Variants in HAO2 observed in about 807,000 individuals in gnomAD.
The protein encoded by HAO2 is 2-Hydroxyacid oxidase 2.
A neutral mutation model predicts 37.4 loss-of-function variants in HAO2; 42 were observed. The ratio of observed to expected loss-of-function variants is 1.12; its 90% CI spans 0.88 to 1.45. The LOEUF (loss-of-function observed/expected upper bound fraction) is 1.45. Among genes scored for constraint, HAO2 ranks in the 40% most tolerant of loss-of-function variants. The pLI is 0.00. For missense variants in HAO2, 476 were observed against 430.2 expected (o/e 1.11, Z -0.94); for synonymous variants, 180 against 162.8 (o/e 1.11, Z -0.81).
chr1:119,392,630 GT>G lies in HAO2; in HGVS notation c.945del (p.Lys316ArgfsTer4). 1 of 1,607,526 alleles carries G rather than the reference GT, an allele frequency of 6.2e-7. No homozygotes were observed. Among genetic ancestry groups the G allele is most frequent in the Non-Finnish European group, 8.5e-7 (1 of 1,174,104 alleles). On this transcript the variant is annotated frameshift_variant, in exon 7 of 8. Coordinates refer to ENST00000325945, the MANE Select transcript of HAO2 (RefSeq NM_016527.4). LOFTEE classifies it high-confidence loss of function. ...GCCTCGGGAGCAGGGTGAACATGGTGTTAAGGAAGTTTTGAACATTTTAACA... is the reference window on the plus strand; with the variant it reads ...GCCTCGGGAGCAGGGTGAACATGGTGTAAGGAAGTTTTGAACATTTTAACA... ...WGLACKGEHG[V>X]KEVLNILTNE...
At chr1:119,384,736 C>G in intron 3 of HAO2, 40 bp from the exon 4 acceptor site, 1 of 1,591,024 alleles carries the variant, frequency 6.3e-7, no homozygotes. Context: ...AGTCCAGAGG[C>G]CTCTGCCCTC....
chr1:119,387,870 G>A (rs1650512298), intron 5 of HAO2, among the ~76,000 whole-genome samples: 1 of 152,100 alleles, frequency 6.6e-6, no homozygotes, highest in Non-Finnish European at 1.5e-5. Context: ...ATAAATTCCA[G>A]GAATTAGAAA....
intron 3 of HAO2, 111 bp from the exon 4 acceptor site, chr1:119,384,665 T>G (rs1650233952): frequency 1.2e-6 from 1 of 810,588 alleles, no homozygotes; most frequent in African/African-American, 1.7e-5. Context: ...AAATTAAGCT[T>G]TATCTGCATT....
In HAO2 at chr1:119,394,004, C is replaced by T; in HGVS notation, c.*164C>T. On this transcript the variant is annotated 3_prime_UTR_variant, in exon 8 of 8. Transcript: ENST00000325945. ...CACCACCCCTGTGCTTCAGGCCCTC[C>T]AAACCCCTGTGTTCCCCAAATGTTC... 9 of 1,452,314 alleles carry T rather than the reference C, an allele frequency of 6.2e-6. No homozygotes were observed. The South Asian group carries it at 1.3e-4, about 20-fold the overall frequency. The allele number at this position is 1,452,314 out of a possible 1,614,324, so 90.0% of individuals were successfully genotyped here.
intron 3 of HAO2, among the ~76,000 whole-genome samples, chr1:119,383,842 T>G (rs1341471439): frequency 1.3e-5 from 2 of 152,164 alleles, no homozygotes; most frequent in Non-Finnish European, 2.9e-5. Context: ...ATTCTAGAGC[T>G]GAATGTGACA....
chr1:119,383,749 C>T lies in HAO2; in HGVS notation c.283+683C>T, dbSNP rs587711399. ...CTCTTTCGTAATCTTCACTCTAAGT[C>T]ACATCTGTTTTTGTGAATTTCTCAG... On this transcript the variant is annotated intron_variant, in intron 3 of 7. Coordinates refer to ENST00000325945, the MANE Select transcript of HAO2 (RefSeq NM_016527.4). 3.0e-4 allele frequency among the ~76,000 whole-genome samples: 45 copies of T among 152,116 alleles called. 2 individuals are homozygous for T. The South Asian group carries it at 7.9e-3, about 27-fold the overall frequency.
chr1:119,378,584 T>C lies in HAO2; in HGVS notation c.-8-2494T>C, dbSNP rs587733178. Among the ~76,000 whole-genome samples, 164 of 152,334 alleles carry C rather than the reference T, an allele frequency of 1.1e-3. 1 individual carries two copies. Among genetic ancestry groups the C allele is most frequent in the Non-Finnish European group, 1.7e-3 (119 of 68,032 alleles). The stretch of plus-strand genomic sequence containing the variant: ...AATTAGAAGAGGTATCGAAATGAGA[T>C]AAAATAGTGTTTGTTATATATAAGA... On this transcript the variant is annotated intron_variant, in intron 1 of 7. Coordinates refer to ENST00000325945, the MANE Select transcript of HAO2 (RefSeq NM_016527.4).
rs1435966515 is a variant in HAO2 at position 119,385,046 on chromosome 1, C to T, written c.554C>T (p.Pro185Leu). Residue 185 changes from proline (P) to leucine (L), a missense_variant, in exon 4 of 8, where the codon CCT (proline) becomes CTT (leucine). Coordinates refer to ENST00000325945, the MANE Select transcript of HAO2 (RefSeq NM_016527.4). ...RNLTLTDLQS[P>L]KKGNAIPYFQ... ...TTAACACTAACAGATCTTCAATCAC[C>T]TAAAAAGGTAAGAAAGATACCAAAT... The T allele has an allele frequency of 1.9e-6, 3 of 1,609,530 alleles. No homozygotes were observed. Among genetic ancestry groups the T allele is most frequent in the Admixed American group, 1.7e-5 (1 of 59,908 alleles).
chr1:119,381,664 G>A (rs946263905), intron 2 of HAO2, among the ~76,000 whole-genome samples: 1 of 152,120 alleles, frequency 6.6e-6, no homozygotes, highest in Admixed American at 6.6e-5. Flanking sequence ...TGAGTCAGGG[G>A]AGAAGAGTTG....
Position 119,392,148 on chromosome 1 carries a change from G to A in HAO2, c.810G>A (p.Gly270=). 6.2e-7 allele frequency: 1 copy of A among 1,613,370 alleles called. No individual in the cohort carries two copies. The highest frequency in any genetic ancestry group is 1.7e-5 in the Admixed American group (1 of 59,986). The part of the protein sequence containing the change: ...ALTEVVAAVK[G]KIEVYLDGGV... ...CAGAAGTGGTGGCTGCTGTAAAGGG[G>A]AAAATTGAAGTCTACCTGGATGGCG... is the stretch of plus-strand genomic sequence containing the variant. Residue 270 remains glycine, a synonymous_variant, in exon 6 of 8, where the codon GGG becomes GGA. Coordinates refer to ENST00000325945, the MANE Select transcript of HAO2 (RefSeq NM_016527.4).
intron 1 of HAO2, among the ~76,000 whole-genome samples, chr1:119,371,771 A>C (rs1232917644): frequency 1.3e-5 from 2 of 152,250 alleles, no homozygotes; most frequent in African/African-American, 4.8e-5. Flanking sequence ...TGCATGGTAC[A>C]TCATGGAGTA....
intron 1 of HAO2, among the ~76,000 whole-genome samples, chr1:119,379,159 A>C (rs1428512538): frequency 6.6e-6 from 1 of 152,144 alleles, no homozygotes; most frequent in Non-Finnish European, 1.5e-5. Context: ...ATGTGATGAC[A>C]CATGTAAAAT....
intron 1 of HAO2, chr1:119,380,530 C>A: frequency 1.7e-6 from 1 of 601,760 alleles, no homozygotes; most frequent in Non-Finnish European, 3.0e-6. Context: ...CATTGAGATT[C>A]CTGGGAACTA....
At chr1:119,377,761 T>C (rs1649589972) in intron 1 of HAO2, among the ~76,000 whole-genome samples, 1 of 152,238 alleles carries the variant, frequency 6.6e-6, no homozygotes, top group Non-Finnish European at 1.5e-5. Flanking sequence ...TGCAGGGAAC[T>C]GCCCTTTATA....
intron 2 of HAO2, among the ~76,000 whole-genome samples, chr1:119,381,581 T>C (rs1160542704): frequency 6.6e-6 from 1 of 151,858 alleles, no homozygotes; most frequent in Non-Finnish European, 1.5e-5. Flanking sequence ...GAGAAGAAAA[T>C]GGAAGACAGG....
In HAO2 at chr1:119,382,985, G is replaced by A. The variant is rs1650078306; in HGVS notation, c.202G>A (p.Glu68Lys). ...VDTRTTIQGE[E>K]ISAPICIAPT... ...CACCAGAACCACAATCCAAGGGGAG[G>A]AGATCAGTGCCCCTATTTGTATCGC... Residue 68 changes from glutamate to lysine, a missense_variant, in exon 3 of 8, where the codon GAG becomes AAG. By Grantham distance (56) the Glu-to-Lys change is moderately conservative. Transcript: ENST00000325945. The A allele has an allele frequency of 3.1e-6, 5 of 1,612,856 alleles. No individual in the cohort carries two copies. The highest frequency in any genetic ancestry group is 1.7e-5 in the Admixed American group (1 of 59,992).
intron 5 of HAO2, among the ~76,000 whole-genome samples, chr1:119,391,079 T>C (rs1557857429): frequency 6.6e-6 from 1 of 152,172 alleles, no homozygotes; most frequent in East Asian, 1.9e-4. Flanking sequence ...GTTCAAAACA[T>C]ATTCAATTCC....
chr1:119,385,253 G>A (rs1406167512), intron 4 of HAO2, 200 bp downstream of exon 4: 7 of 985,006 alleles, frequency 7.1e-6, no homozygotes, highest in Non-Finnish European at 8.4e-6. Flanking sequence ...ATCAACATAA[G>A]ACCAAATGTT....
At chr1:119,370,684 C>G (rs1172115703) in intron 1 of HAO2, among the ~76,000 whole-genome samples, 1 of 152,188 alleles carries the variant, frequency 6.6e-6, no homozygotes, top group East Asian at 1.9e-4. Flanking sequence ...CTTCTCTACT[C>G]CACTGACTCC....
Sources: allele counts gnomAD v4.1 joint callset (sites outside exome capture counted in the v4.1 genomes callset), GRCh38; gene constraint gnomAD v4.1.1; transcripts MANE v1.5; gene names NCBI Gene and HGNC (gene_info 2026-07-23, HGNC 2026-07-21).